Variants in CCSER1 observed in about 807,000 individuals in gnomAD.
The protein encoded by CCSER1 is coiled-coil serine rich protein 1.
In CCSER1, 41 loss-of-function variants were observed where a neutral mutation model predicts 82.0. The observed-to-expected ratio is 0.50, with a 90% confidence interval of 0.39 to 0.65. CCSER1 has a LOEUF of 0.65. Among genes scored for constraint, CCSER1 ranks in the 30% least tolerant of loss-of-function variants. CCSER1 has a pLI of 0.00. For synonymous variants in CCSER1, 414 were observed against 383.9 expected, an observed-to-expected ratio of 1.08 and a Z score of -0.92; for missense variants, 1,119 against 1,064.2, an observed-to-expected ratio of 1.05 and a Z score of -0.72.
intron 1 of CCSER1, among the ~76,000 whole-genome samples, chr4:90,154,351 T>G (rs1277185726): frequency 6.6e-6 from 1 of 152,256 alleles, no homozygotes; most frequent in Non-Finnish European, 1.5e-5. Context: ...AGGATTGACG[T>G]GGCGATGCGG....
intron 1 of CCSER1, among the ~76,000 whole-genome samples, chr4:90,135,339 C>T (rs373863729): frequency 6.6e-6 from 1 of 151,968 alleles, no homozygotes; most frequent in South Asian, 2.1e-4. Flanking sequence ...CAAGACCCCC[C>T]CTTTGAAAAA....
In CCSER1 at chr4:90,396,358, A is replaced by G. The variant is rs572820328; in HGVS notation, c.1510-3678A>G. Among the ~76,000 whole-genome samples, 18 of 152,192 alleles carry G rather than the reference A, an allele frequency of 1.2e-4. No homozygotes were observed. In the South Asian group the frequency reaches 3.3e-3, roughly 28 times the overall value. ...CCATTGGTGCTAAACAGTTTTTTCT[A>G]TTCCTAGTACAGTACTACTTTTGGT... On this transcript the variant is annotated intron_variant, in intron 3 of 10. Coordinates refer to ENST00000509176, the MANE Select transcript of CCSER1 (RefSeq NM_001145065.2).
chr4:90,364,686 T>C (rs560183708), intron 3 of CCSER1, among the ~76,000 whole-genome samples: 10 of 152,122 alleles, frequency 6.6e-5, no homozygotes, highest in Non-Finnish European at 1.3e-4. Flanking sequence ...GGAATATTAA[T>C]GTTTTGTGCC....
At chr4:90,247,172 GTTTA>G (rs1036689419) in intron 1 of CCSER1, among the ~76,000 whole-genome samples, 10 of 152,074 alleles carry the variant, frequency 6.6e-5, no homozygotes, top group African/African-American at 1.4e-4. Context: ...CTAATGAATT[GTTTA>G]TTTATGGAAT....
intron 10 of CCSER1, among the ~76,000 whole-genome samples, chr4:91,316,971 A>C (rs1365347239): frequency 1.3e-5 from 2 of 151,976 alleles, no homozygotes; most frequent in African/African-American, 4.8e-5. Flanking sequence ...TTGTCATGCT[A>C]TCTTACACAG....
intron 8 of CCSER1, among the ~76,000 whole-genome samples, chr4:90,916,732 C>T (rs1487866718): frequency 6.6e-6 from 1 of 152,070 alleles, no homozygotes; most frequent in Non-Finnish European, 1.5e-5. Context: ...AGGCAACCTA[C>T]AAAATGGGAG....
chr4:90,512,098 T>A (rs1055082910), intron 5 of CCSER1, among the ~76,000 whole-genome samples: 8 of 152,142 alleles, frequency 5.3e-5, no homozygotes, highest in African/African-American at 1.4e-4. Flanking sequence ...TCCGTAGATA[T>A]GTGGTCACAG....
rs1350093841 is a variant in CCSER1 at position 91,234,633 on chromosome 4, A to G, written c.2217+148639A>G. 4.6e-5 allele frequency among the ~76,000 whole-genome samples: 7 copies of G among 152,242 alleles called. No individual in the cohort carries two copies. The East Asian group carries it at 1.3e-3, about 29-fold the overall frequency. On this transcript the variant is annotated intron_variant, in intron 10 of 10. Coordinates refer to ENST00000509176, the MANE Select transcript of CCSER1 (RefSeq NM_001145065.2). ...GTATAACTTGCACTTTTTGCCATTT[A>G]TAGTCCAGATGGAAATTTGAGAATT...
intron 9 of CCSER1, among the ~76,000 whole-genome samples, chr4:90,930,939 T>TAC (rs1554045605): frequency 0.037 from 5,035 of 135,022 alleles, 115 homozygotes; most frequent in African/African-American, 0.049. Flanking sequence ...TATATATATA[T>TAC]ACACATGACA....
At chr4:90,555,106 T>C (rs1218191149) in intron 5 of CCSER1, among the ~76,000 whole-genome samples, 1 of 152,060 alleles carries the variant, frequency 6.6e-6, no homozygotes, top group Non-Finnish European at 1.5e-5. Context: ...ATGTTAAACA[T>C]AAAATTCATT....
At chr4:90,247,125 T>C (rs1463940657) in intron 1 of CCSER1, among the ~76,000 whole-genome samples, 1 of 152,170 alleles carries the variant, frequency 6.6e-6, no homozygotes, top group East Asian at 1.9e-4. Flanking sequence ...TACTGTGAGA[T>C]TTCATCATGC....
At chr4:91,102,974 TTC>T (rs1370956978) in intron 10 of CCSER1, among the ~76,000 whole-genome samples, 2 of 152,228 alleles carry the variant, frequency 1.3e-5, no homozygotes, top group Non-Finnish European at 2.9e-5. Context: ...AAGATTTTTT[TTC>T]TGTTTTGGTT....
chr4:91,080,776 A>G (rs1581502283), intron 9 of CCSER1, among the ~76,000 whole-genome samples: 1 of 152,330 alleles, frequency 6.6e-6, no homozygotes, highest in African/African-American at 2.4e-5. Context: ...CCATCAGAGA[A>G]TACTATAAAC....
intron 9 of CCSER1, among the ~76,000 whole-genome samples, chr4:90,925,371 C>T (rs560691708): frequency 4.9e-4 from 75 of 152,188 alleles, no homozygotes; most frequent in Non-Finnish European, 8.5e-4. Flanking sequence ...AACAAATATA[C>T]ATTTGGATTC....
intron 8 of CCSER1, among the ~76,000 whole-genome samples, chr4:90,874,570 C>A (rs1400667563): frequency 1.3e-5 from 2 of 152,062 alleles, no homozygotes; most frequent in Non-Finnish European, 2.9e-5. Flanking sequence ...GAGAAAGTAA[C>A]GTAACATTCC....
chr4:91,549,021 G>T (rs186936017), intron 10 of CCSER1, among the ~76,000 whole-genome samples: 1 of 151,942 alleles, frequency 6.6e-6, no homozygotes, highest in African/African-American at 2.4e-5. Context: ...TTATCCCACA[G>T]TTCTTGGACA....
chr4:91,600,603 T>C lies in CCSER1; in HGVS notation c.*1546T>C, dbSNP rs73836298. Reference sequence around the variant, plus strand: ...AGCTGTGTGCAAAATGCATCTCCTATTATAAAAATGTATTTGTGCCCTGTG... The same window carrying C: ...AGCTGTGTGCAAAATGCATCTCCTACTATAAAAATGTATTTGTGCCCTGTG... On this transcript the variant is annotated 3_prime_UTR_variant, in exon 11 of 11. Coordinates refer to ENST00000509176, the MANE Select transcript of CCSER1 (RefSeq NM_001145065.2). 6.6e-6 allele frequency: 1 copy of C among 152,280 alleles called. No homozygotes were observed. The highest frequency in any genetic ancestry group is 2.4e-5 in the African/African-American group (1 of 41,582). The allele number at this position is 152,280 out of a possible 1,614,324, so 9.4% of individuals were successfully genotyped here.
At chr4:90,889,955 C>G (rs1191946961) in intron 8 of CCSER1, among the ~76,000 whole-genome samples, 1 of 151,944 alleles carries the variant, frequency 6.6e-6, no homozygotes, top group Non-Finnish European at 1.5e-5. Flanking sequence ...ATTAGTGATG[C>G]CTAAAAGTAA....
At chr4:90,447,976 C>T (rs1182899912) in intron 4 of CCSER1, among the ~76,000 whole-genome samples, 1 of 151,720 alleles carries the variant, frequency 6.6e-6, no homozygotes, top group Non-Finnish European at 1.5e-5. Context: ...AATATGTTTC[C>T]TAACAGTGTG....
Sources: allele counts gnomAD v4.1 joint callset (sites outside exome capture counted in the v4.1 genomes callset), GRCh38; gene constraint gnomAD v4.1.1; transcripts MANE v1.5; gene names NCBI Gene and HGNC (gene_info 2026-07-23, HGNC 2026-07-21).